The following WDFY4 variants were observed in gnomAD, a reference collection of about 807,000 sequenced individuals.
WDFY4 encodes the protein WD repeat- and FYVE domain-containing protein 4.
WDFY4 carries 169 observed loss-of-function variants against 351.9 expected under a neutral mutation model. The ratio of observed to expected loss-of-function variants is 0.48; its 90% confidence interval spans 0.42 to 0.55. The LOEUF (loss-of-function observed/expected upper bound fraction) is 0.55. Among genes scored for constraint, WDFY4 ranks in the 20% least tolerant of loss-of-function variants. WDFY4 has a pLI of 0.00. For missense variants in WDFY4, 3,803 were observed against 3,935.6 expected (o/e 0.97, Z 0.90); for synonymous variants, 1,622 against 1,574.6 (o/e 1.03, Z -0.71).
intron 12 of WDFY4, among the ~76,000 whole-genome samples, chr10:48,759,425 T>C (rs1438522934): frequency 6.6e-6 from 1 of 152,172 alleles, no homozygotes; most frequent in Admixed American, 6.5e-5. Flanking sequence ...TCTGGGGCCA[T>C]GCAGTGAGGG....
At chr10:48,842,219 G>T (rs2068630339) in intron 39 of WDFY4, among the ~76,000 whole-genome samples, 1 of 151,908 alleles carries the variant, frequency 6.6e-6, no homozygotes, top group Non-Finnish European at 1.5e-5. Flanking sequence ...CAGTGTCAGG[G>T]CCTGACTCTG....
At chr10:48,686,233 C>T (rs933829932) in intron 1 of WDFY4, among the ~76,000 whole-genome samples, 6 of 148,748 alleles carry the variant, frequency 4.0e-5, no homozygotes, top group African/African-American at 1.5e-4. Flanking sequence ...GTAATCTCAG[C>T]ACTTTGGGAG....
intron 4 of WDFY4, 70 bp downstream of exon 4, chr10:48,721,437 G>T: frequency 1.4e-6 from 2 of 1,401,348 alleles, no homozygotes; most frequent in Non-Finnish European, 2.0e-6. Flanking sequence ...TCCAGCACAG[G>T]GTGGTGGCAT....
chr10:48,722,508 G>T (rs780064734), intron 4 of WDFY4, among the ~76,000 whole-genome samples: 1 of 152,184 alleles, frequency 6.6e-6, no homozygotes, highest in African/African-American at 2.4e-5. Context: ...CCAGCAGCCT[G>T]CATCTAGTCC....
At chr10:48,792,116 C>A (rs1239779811) in intron 23 of WDFY4, among the ~76,000 whole-genome samples, 1 of 152,228 alleles carries the variant, frequency 6.6e-6, no homozygotes, top group Non-Finnish European at 1.5e-5. Flanking sequence ...AGCCTATGTT[C>A]CCACCTCCCC....
intron 47 of WDFY4, among the ~76,000 whole-genome samples, chr10:48,903,586 G>A (rs1265187963): frequency 6.6e-6 from 1 of 152,234 alleles, no homozygotes; most frequent in Non-Finnish European, 1.5e-5. Flanking sequence ...GCATGTATGT[G>A]ACAGAGGACT....
intron 47 of WDFY4, among the ~76,000 whole-genome samples, chr10:48,939,194 C>G (rs1307891327): frequency 1.3e-5 from 2 of 152,210 alleles, no homozygotes; most frequent in Non-Finnish European, 2.9e-5. Context: ...CAGAAGCAGG[C>G]CCCACTCTGC....
intron 51 of WDFY4, among the ~76,000 whole-genome samples, chr10:48,953,058 CTG>C (rs1301251307): frequency 6.6e-6 from 1 of 152,212 alleles, no homozygotes; most frequent in African/African-American, 2.4e-5. Flanking sequence ...CCTCCTACCT[CTG>C]TCCTCGCCAC....
At chr10:48,962,002 C>T (rs1462080587) in intron 53 of WDFY4, among the ~76,000 whole-genome samples, 2 of 152,090 alleles carry the variant, frequency 1.3e-5, no homozygotes, top group Non-Finnish European at 2.9e-5. Flanking sequence ...CAGGCTTCAT[C>T]TAAGGAAAAG....
Position 48,789,976 on chromosome 10 carries a change from G to A in WDFY4, c.4057G>A (p.Gly1353Ser). Residue 1353 changes from glycine (G) to serine (S), a missense_variant, in exon 22 of 62, where the codon GGT (glycine) becomes AGT (serine). Gly to Ser is a moderately conservative substitution (Grantham distance 56, BLOSUM62 0). Transcript: ENST00000325239. Reference protein sequence around the residue: ...SLRTIGAVAVGQLGVRVFHSS... With the variant: ...SLRTIGAVAVSQLGVRVFHSS... ...GCGGACCATTGGAGCTGTTGCTGTG[G>A]GTCAATTAGGTATGTTCAACTGGGA... 1.4e-5 allele frequency: 21 copies of A among 1,552,318 alleles called. No homozygotes were observed. Among genetic ancestry groups the A allele is most frequent in the Non-Finnish European group, 1.8e-5 (21 of 1,147,128 alleles).
intron 24 of WDFY4, among the ~76,000 whole-genome samples, chr10:48,803,027 G>C (rs954405083): frequency 6.6e-6 from 1 of 152,162 alleles, no homozygotes; most frequent in African/African-American, 2.4e-5. Context: ...GAGATGGTTA[G>C]TGCAGGCGTC....
At chr10:48,691,064 C>T (rs535610174) in intron 1 of WDFY4, among the ~76,000 whole-genome samples, 2 of 152,274 alleles carry the variant, frequency 1.3e-5, no homozygotes, top group South Asian at 2.1e-4. Flanking sequence ...TGCAAGTGGC[C>T]TTCAACCCCT....
chr10:48,838,748 A>T (rs2068494090), intron 39 of WDFY4, among the ~76,000 whole-genome samples: 1 of 152,160 alleles, frequency 6.6e-6, no homozygotes, highest in African/African-American at 2.4e-5. Context: ...CATCCCAGAC[A>T]TCGTATTATT....
At chr10:48,876,035 T>C (rs752881672) in intron 42 of WDFY4, among the ~76,000 whole-genome samples, 1 of 152,226 alleles carries the variant, frequency 6.6e-6, no homozygotes, top group Non-Finnish European at 1.5e-5. Context: ...ATGATGGCCA[T>C]GGGCTGCTGT....
intron 39 of WDFY4, among the ~76,000 whole-genome samples, chr10:48,843,336 G>A (rs925199076): frequency 7.2e-5 from 11 of 152,166 alleles, no homozygotes; most frequent in Non-Finnish European, 1.3e-4. Flanking sequence ...GAGTAATACA[G>A]AGTCCACATC....
At chr10:48,894,796 C>T (rs925627388) in intron 44 of WDFY4, among the ~76,000 whole-genome samples, 1 of 152,150 alleles carries the variant, frequency 6.6e-6, no homozygotes, top group African/African-American at 2.4e-5. Context: ...ATGTCATCCC[C>T]ACCAGTACCT....
rs1837370931 is a variant in WDFY4, at chr10:48,901,871, C to CGGGTA, written c.7586+10_7586+14dup. The stretch of plus-strand genomic sequence containing the variant: ...GGACACCCTCAGTCTAAGGTAATGG[C>CGGGTA]GGGTAGCCATGCTGTCTGGGCATGG... On this transcript the variant is annotated intron_variant, in intron 47 of 61. Coordinates refer to ENST00000325239, the MANE Select transcript of WDFY4 (RefSeq NM_001394531.1). 1 of 1,551,036 alleles carries CGGGTA rather than the reference C, an allele frequency of 6.4e-7. No individual in the cohort carries two copies. The highest frequency in any genetic ancestry group is 1.4e-5 in the African/African-American group (1 of 73,054).
At chr10:48,724,507 G>A (rs976636391) in intron 5 of WDFY4, among the ~76,000 whole-genome samples, 29 of 152,068 alleles carry the variant, frequency 1.9e-4, no homozygotes, top group Admixed American at 1.7e-3. Context: ...AGGCCAGGAC[G>A]CTGCACCAGG....
At chr10:48,814,632 G>T (rs937963718) in intron 31 of WDFY4, among the ~76,000 whole-genome samples, 1 of 152,162 alleles carries the variant, frequency 6.6e-6, no homozygotes, top group African/African-American at 2.4e-5. Context: ...GGTCAGGGAG[G>T]GTTTCCAGAA....
Sources: allele counts gnomAD v4.1 joint callset (sites outside exome capture counted in the v4.1 genomes callset), GRCh38; gene constraint gnomAD v4.1.1; transcripts MANE v1.5; gene names NCBI Gene and HGNC (gene_info 2026-07-23, HGNC 2026-07-21).